The following ARHGAP18 variants were observed in gnomAD, a reference collection of about 807,000 sequenced individuals.
The protein encoded by ARHGAP18 is rho GTPase-activating protein 18.
ARHGAP18 carries 67 observed loss-of-function variants against 86.2 expected under a neutral mutation model. The observed-to-expected ratio is 0.78, with a 90% CI of 0.64 to 0.95. The LOEUF is 0.95. ARHGAP18 is among the 40% of genes least tolerant of loss of function. ARHGAP18 has a pLI of 0.00. For missense variants in ARHGAP18, 691 were observed against 780.4 expected (o/e 0.89, Z 1.37); for synonymous variants, 283 against 280.4 (o/e 1.01, Z -0.09).
intron 14 of ARHGAP18, 35 bp from the exon 15 acceptor site, chr6:129,578,639 C>T (rs770716050): frequency 6.6e-7 from 1 of 1,519,414 alleles, no homozygotes; most frequent in Non-Finnish European, 9.1e-7. Context: ...TTTAATACAG[C>T]AGGTAGATTG....
intron 12 of ARHGAP18, among the ~76,000 whole-genome samples, chr6:129,586,241 A>G (rs1271774112): frequency 6.6e-6 from 1 of 152,168 alleles, no homozygotes; most frequent in East Asian, 1.9e-4. Flanking sequence ...CAGTAGCATG[A>G]ACACCTTTAA....
chr6:129,691,220 T>A (rs1217069686), intron 1 of ARHGAP18, among the ~76,000 whole-genome samples: 1 of 152,168 alleles, frequency 6.6e-6, no homozygotes, highest in Non-Finnish European at 1.5e-5. Context: ...AACACACACT[T>A]TCCCTAACCT....
intron 8 of ARHGAP18, among the ~76,000 whole-genome samples, chr6:129,608,417 A>C (rs181879024): frequency 6.0e-4 from 91 of 152,310 alleles, no homozygotes; most frequent in Admixed American, 1.6e-3. Flanking sequence ...TTAAGAAAAA[A>C]ATCATTAAAA....
At chr6:129,626,063 TATACAC>T (rs1347573207) in intron 5 of ARHGAP18, among the ~76,000 whole-genome samples, 2 of 28,408 alleles carry the variant, frequency 7.0e-5, no homozygotes, top group African/African-American at 2.9e-4. Context: ...TATATACACA[TATACAC>T]ACACACACAC....
chr6:129,671,962 AC>A (rs1774148876), intron 1 of ARHGAP18, among the ~76,000 whole-genome samples: 1 of 152,068 alleles, frequency 6.6e-6, no homozygotes, highest in Non-Finnish European at 1.5e-5. Flanking sequence ...GATCTAGTTC[AC>A]CCCATTTTGC....
chr6:129,588,220 C>T (rs1163685143), intron 12 of ARHGAP18, among the ~76,000 whole-genome samples: 3 of 151,354 alleles, frequency 2.0e-5, no homozygotes, highest in Admixed American at 6.6e-5. Flanking sequence ...TGGGTTCAAG[C>T]GATTCTCCTG....
intron 12 of ARHGAP18, among the ~76,000 whole-genome samples, chr6:129,588,691 G>A (rs1054978238): frequency 3.3e-5 from 5 of 152,348 alleles, no homozygotes; most frequent in Admixed American, 2.6e-4. Flanking sequence ...TCCCAGTGGG[G>A]ACTCTGTGTG....
At chr6:129,623,471 C>T (rs770362130) in intron 5 of ARHGAP18, among the ~76,000 whole-genome samples, 3 of 152,030 alleles carry the variant, frequency 2.0e-5, no homozygotes, top group Non-Finnish European at 2.9e-5. Flanking sequence ...AATTTGAATC[C>T]ACGATGAGAG....
chr6:129,631,989 C>T (rs1773229083), intron 4 of ARHGAP18, among the ~76,000 whole-genome samples: 2 of 152,084 alleles, frequency 1.3e-5, no homozygotes, highest in Non-Finnish European at 2.9e-5. Flanking sequence ...ACTTAACAAC[C>T]TTTTCATTTA....
At chr6:129,590,083 C>T (rs1004427516) in intron 12 of ARHGAP18, among the ~76,000 whole-genome samples, 4 of 152,322 alleles carry the variant, frequency 2.6e-5, no homozygotes, top group Admixed American at 2.6e-4. Context: ...ATGCTGGCAG[C>T]TGATTAGATG....
At chr6:129,585,300 T>A (rs1022408181) in intron 12 of ARHGAP18, among the ~76,000 whole-genome samples, 5 of 151,602 alleles carry the variant, frequency 3.3e-5, no homozygotes, top group Admixed American at 1.3e-4. Flanking sequence ...AATAAATAAA[T>A]AAAAATAAAA....
chr6:129,695,807 T>C (rs1291244359), intron 1 of ARHGAP18, among the ~76,000 whole-genome samples: 1 of 145,656 alleles, frequency 6.9e-6, no homozygotes, highest in Non-Finnish European at 1.5e-5. Context: ...CGTGTTCTTA[T>C]CTGAAAGTAC....
chr6:129,644,601 C>T (rs1353486483), intron 1 of ARHGAP18, among the ~76,000 whole-genome samples: 1 of 152,110 alleles, frequency 6.6e-6, no homozygotes, highest in Non-Finnish European at 1.5e-5. Flanking sequence ...TTAACTCTTA[C>T]CCCCCTGTGA....
At chr6:129,613,585 G>A (rs1360554431) in intron 7 of ARHGAP18, among the ~76,000 whole-genome samples, 1 of 152,138 alleles carries the variant, frequency 6.6e-6, no homozygotes. Flanking sequence ...AACTGAATGA[G>A]CGTAATTTCT....
Position 129,608,066 on chromosome 6 carries a change from A to T in ARHGAP18, c.1123-14T>A, listed in dbSNP as rs751258557. On this transcript the variant is annotated splice_polypyrimidine_tract_variant and intron_variant, in intron 8 of 14. Transcript: ENST00000368149. Reference sequence around the variant, plus strand: ...TTGGCAAAGATTCTGATAGGCACGAAAAAAAAAAAAAAAAAAAAAAGAAGC... The same window carrying T: ...TTGGCAAAGATTCTGATAGGCACGATAAAAAAAAAAAAAAAAAAAAGAAGC... 2.2e-4 allele frequency: 69 copies of T among 307,094 alleles called. No homozygotes were observed. The highest frequency in any genetic ancestry group is 7.4e-4 in the Admixed American group (9 of 12,232). 19.0% of individuals were successfully genotyped at this position (307,094 alleles called of 1,614,324 possible).
At chr6:129,580,678 G>T (rs1288434866) in intron 13 of ARHGAP18, among the ~76,000 whole-genome samples, 2 of 152,114 alleles carry the variant, frequency 1.3e-5, no homozygotes, top group Non-Finnish European at 2.9e-5. Context: ...CTTGAGCCCA[G>T]TCTGGGCAAC....
chr6:129,709,566 AG>A (rs979485942), intron 1 of ARHGAP18, among the ~76,000 whole-genome samples: 3 of 151,892 alleles, frequency 2.0e-5, no homozygotes, highest in Non-Finnish European at 4.4e-5. Context: ...CAGCAAAGAG[AG>A]GGGGGAAAAA....
chr6:129,639,048 G>T (rs1341733161), intron 2 of ARHGAP18, among the ~76,000 whole-genome samples: 1 of 152,190 alleles, frequency 6.6e-6, no homozygotes, highest in African/African-American at 2.4e-5. Context: ...CTAATTTATG[G>T]AAAGCCTTGT....
intron 1 of ARHGAP18, among the ~76,000 whole-genome samples, chr6:129,664,931 G>C (rs182980494): frequency 1.7e-4 from 26 of 152,320 alleles, no homozygotes; most frequent in Admixed American, 1.6e-3. Flanking sequence ...GAATGAAATG[G>C]GGGAAGGGGA....
Sources: gnomAD v4.1 joint callset for allele counts (sites outside exome capture counted in the v4.1 genomes callset) on GRCh38, gnomAD v4.1.1 for gene constraint, MANE v1.5 for transcripts, NCBI Gene and HGNC (gene_info 2026-07-23, HGNC 2026-07-21) for gene names.